NDUFAF2: variants seen among roughly 807,000 people sequenced by gnomAD.
NDUFAF2 encodes NADH:ubiquinone oxidoreductase complex assembly factor 2, also known as NADH dehydrogenase [ubiquinone] 1 alpha subcomplex assembly factor 2.
A neutral mutation model predicts 22.8 loss-of-function variants in NDUFAF2; 13 were observed. The observed-to-expected ratio is 0.57, with a 90% CI of 0.37 to 0.91. The LOEUF (loss-of-function observed/expected upper bound fraction) is 0.91, where lower values mean the gene tolerates loss of function less well. Ranked by LOEUF, NDUFAF2 falls within the 40% of genes least tolerant of loss-of-function variation. The pLI is 0.01. For missense variants in NDUFAF2, 162 were observed against 195.2 expected (o/e 0.83, Z 1.01); for synonymous variants, 53 against 64.2 (o/e 0.83, Z 0.84).
At chr5:61,093,868 T>A (rs1161078055) in intron 2 of NDUFAF2, among the ~76,000 whole-genome samples, 1 of 152,204 alleles carries the variant, frequency 6.6e-6, no homozygotes. Flanking sequence ...TCTAGTAGAA[T>A]TCAGCTATGA....
intron 2 of NDUFAF2, chr5:61,083,389 T>A (rs1752467781): frequency 6.6e-6 from 1 of 152,170 alleles, no homozygotes; most frequent in South Asian, 2.1e-4. Context: ...CACCATTTAT[T>A]GAATAGAGTT....
chr5:60,957,267 A>C (rs1181208774), intron 1 of NDUFAF2, among the ~76,000 whole-genome samples: 1 of 152,128 alleles, frequency 6.6e-6, no homozygotes, highest in African/African-American at 2.4e-5. Flanking sequence ...CCTAACCCCC[A>C]GTTATCTTTC....
intron 1 of NDUFAF2, among the ~76,000 whole-genome samples, chr5:61,042,591 G>GT (rs904045488): frequency 2.6e-4 from 40 of 152,126 alleles, no homozygotes; most frequent in African/African-American, 9.4e-4. Context: ...GCATGAGGGA[G>GT]TTTTTTTATT....
chr5:60,980,899 G>T (rs557258354), intron 1 of NDUFAF2, among the ~76,000 whole-genome samples: 31 of 152,040 alleles, frequency 2.0e-4, no homozygotes, highest in Admixed American at 1.8e-3. Context: ...GGAGACAAAA[G>T]AAATGAGAAT....
chr5:61,075,464 C>G (rs1752355638), intron 2 of NDUFAF2, among the ~76,000 whole-genome samples: 1 of 152,148 alleles, frequency 6.6e-6, no homozygotes, highest in African/African-American at 2.4e-5. Context: ...GTGTTATAAA[C>G]TACATTTACA....
chr5:61,011,797 A>G (rs991145698), intron 1 of NDUFAF2, among the ~76,000 whole-genome samples: 30 of 152,224 alleles, frequency 2.0e-4, no homozygotes, highest in African/African-American at 6.7e-4. Flanking sequence ...ACTCATCAGT[A>G]TATCCTCAGT....
At chr5:61,143,958 TTTTG>T (rs1315169887) in intron 3 of NDUFAF2, among the ~76,000 whole-genome samples, 2,981 of 125,596 alleles carry the variant, frequency 0.024, 88 homozygotes, top group Middle Eastern at 0.052. Context: ...AATGGCATAT[TTTTG>T]TGTGTGTGTG....
chr5:61,101,093 A>ACAGTTACAGTGGT (rs1752700056), intron 3 of NDUFAF2, among the ~76,000 whole-genome samples: 1 of 152,154 alleles, frequency 6.6e-6, no homozygotes, highest in Non-Finnish European at 1.5e-5. Flanking sequence ...ACACTCTTCA[A>ACAGTTACAGTGGT]ATCCAAATTC....
chr5:61,150,686 A>G (rs1399292530), intron 3 of NDUFAF2, among the ~76,000 whole-genome samples: 2 of 152,140 alleles, frequency 1.3e-5, no homozygotes, highest in African/African-American at 4.8e-5. Flanking sequence ...AAATCCAAGC[A>G]AGCTCCATAC....
intron 3 of NDUFAF2, among the ~76,000 whole-genome samples, chr5:61,150,805 G>T (rs78628711): frequency 0.024 from 3,692 of 152,124 alleles, 62 homozygotes; most frequent in Non-Finnish European, 0.038. Context: ...TAAGACACAG[G>T]GACTTGAATT....
chr5:61,121,485 T>C (rs1351811105), intron 3 of NDUFAF2, among the ~76,000 whole-genome samples: 2 of 152,170 alleles, frequency 1.3e-5, no homozygotes, highest in African/African-American at 2.4e-5. Context: ...GGAGTACTTA[T>C]TGCTTTCTGA....
intron 3 of NDUFAF2, among the ~76,000 whole-genome samples, chr5:61,111,908 G>A (rs369282784): frequency 2.0e-5 from 3 of 151,838 alleles, no homozygotes; most frequent in South Asian, 2.1e-4. Context: ...GTGAGCCACC[G>A]TGCCCAGCCT....
chr5:61,144,207 A>G (rs904574651), intron 3 of NDUFAF2, among the ~76,000 whole-genome samples: 1 of 152,100 alleles, frequency 6.6e-6, no homozygotes, highest in Admixed American at 6.5e-5. Flanking sequence ...ATATATGTAC[A>G]TATAAGGTAT....
At chr5:61,060,865 C>T (rs1161080437) in intron 1 of NDUFAF2, among the ~76,000 whole-genome samples, 1 of 152,104 alleles carries the variant, frequency 6.6e-6, no homozygotes, top group Non-Finnish European at 1.5e-5. Flanking sequence ...GAAAATCCCT[C>T]CTCCACGGTC....
chr5:61,081,539 A>C (rs1752442716), intron 2 of NDUFAF2, among the ~76,000 whole-genome samples: 1 of 152,194 alleles, frequency 6.6e-6, no homozygotes, highest in Admixed American at 6.5e-5. Context: ...CAATCTCTTT[A>C]ACTGAAGAAC....
At chr5:61,127,426 A>C (rs1159303268) in intron 3 of NDUFAF2, among the ~76,000 whole-genome samples, 1 of 152,148 alleles carries the variant, frequency 6.6e-6, no homozygotes, top group South Asian at 2.1e-4. Context: ...CACATCAAAA[A>C]GCTTATCCAC....
intron 1 of NDUFAF2, among the ~76,000 whole-genome samples, chr5:61,025,816 A>G (rs751763119): frequency 5.9e-5 from 9 of 152,104 alleles, no homozygotes; most frequent in African/African-American, 9.6e-5. Flanking sequence ...GTAAGTAAAT[A>G]AAGATCACAT....
At chr5:61,021,643 G>GT (rs1751585699) in intron 1 of NDUFAF2, among the ~76,000 whole-genome samples, 1 of 152,076 alleles carries the variant, frequency 6.6e-6, no homozygotes, top group Non-Finnish European at 1.5e-5. Flanking sequence ...CCACTCTGTT[G>GT]TTTTGGATGT....
chr5:61,020,937 G>A (rs1023599079), intron 1 of NDUFAF2, among the ~76,000 whole-genome samples: 1 of 150,082 alleles, frequency 6.7e-6, no homozygotes, highest in Admixed American at 6.6e-5. Flanking sequence ...CTCGTGATCC[G>A]CCTGCCTCGG....
Sources: gnomAD v4.1 joint callset for allele counts (sites outside exome capture counted in the v4.1 genomes callset) on GRCh38, gnomAD v4.1.1 for gene constraint, MANE v1.5 for transcripts, NCBI Gene and HGNC (gene_info 2026-07-23, HGNC 2026-07-21) for gene names.